Variants in BMPR1A observed in about 807,000 individuals in gnomAD.
BMPR1A encodes bone morphogenetic protein receptor type 1A, also known as bone morphogenetic protein receptor type-1A.
In BMPR1A, 7 loss-of-function variants were observed where a neutral mutation model predicts 66.0. The observed-to-expected ratio is 0.11, with a 90% CI of 0.06 to 0.20. BMPR1A has a LOEUF of 0.20. BMPR1A is among the 10% of genes least tolerant of loss of function. The pLI is 1.00. For missense variants in BMPR1A, 408 were observed against 669.1 expected, an observed-to-expected ratio of 0.61 and a Z score of 4.31; for synonymous variants, 200 against 229.7, an observed-to-expected ratio of 0.87 and a Z score of 1.17.
chr10:86,899,672 C>T (rs1415149117), intron 5 of BMPR1A, 122 bp from the exon 6 acceptor site: 4 of 962,420 alleles, frequency 4.2e-6, no homozygotes, highest in Non-Finnish European at 6.3e-6. Flanking sequence ...TCTGTTTTTA[C>T]ATATAAAATT....
At chr10:86,847,142 C>G (rs1006608987) in intron 2 of BMPR1A, among the ~76,000 whole-genome samples, 1 of 151,990 alleles carries the variant, frequency 6.6e-6, no homozygotes, top group Non-Finnish European at 1.5e-5. Context: ...GACGTGAGCC[C>G]CTGCGCCTGG....
At chr10:86,858,554 C>G (rs1050761185) in intron 2 of BMPR1A, among the ~76,000 whole-genome samples, 1 of 152,128 alleles carries the variant, frequency 6.6e-6, no homozygotes, top group African/African-American at 2.4e-5. Context: ...CTAAAAACTT[C>G]ACCATAAAAC....
chr10:86,923,324 A>T lies in BMPR1A; in HGVS notation c.1343-52A>T, dbSNP rs1843693868. ...AGCAAAAGATGCTTACTAGATTGGTATATCTTGTCCAGCAACCATTTTTGT... is the reference window on the plus strand; with the variant it reads ...AGCAAAAGATGCTTACTAGATTGGTTTATCTTGTCCAGCAACCATTTTTGT... On this transcript the variant is annotated intron_variant, in intron 11 of 12. Coordinates refer to ENST00000372037, the MANE Select transcript of BMPR1A (RefSeq NM_004329.3). 3.0e-5 allele frequency: 48 copies of T among 1,610,136 alleles called. 1 individual carries two copies. In the South Asian group the frequency reaches 4.8e-4, roughly 16 times the overall value.
chr10:86,766,841 T>G (rs63090562), intron 1 of BMPR1A, among the ~76,000 whole-genome samples: 66 of 146,414 alleles, frequency 4.5e-4, no homozygotes, highest in Admixed American at 4.4e-3. Flanking sequence ...TTTTTTTTTT[T>G]GGAGACCGAG....
At chr10:86,816,648 T>C (rs900962879) in intron 1 of BMPR1A, among the ~76,000 whole-genome samples, 2 of 152,258 alleles carry the variant, frequency 1.3e-5, no homozygotes, top group Non-Finnish European at 2.9e-5. Flanking sequence ...CAATTGGAGT[T>C]ATACACTTCA....
At chr10:86,904,799 C>G (rs1313660043) in intron 7 of BMPR1A, among the ~76,000 whole-genome samples, 1 of 152,220 alleles carries the variant, frequency 6.6e-6, no homozygotes, top group Non-Finnish European at 1.5e-5. Context: ...AACATACAAT[C>G]AGACATCAGG....
At chr10:86,867,648 G>A (rs997506802) in intron 2 of BMPR1A, among the ~76,000 whole-genome samples, 1 of 152,188 alleles carries the variant, frequency 6.6e-6, no homozygotes, top group Non-Finnish European at 1.5e-5. Context: ...GAGAAACTAG[G>A]TTAGGGAATT....
chr10:86,908,572 G>C (rs1843430908), intron 7 of BMPR1A, among the ~76,000 whole-genome samples: 1 of 152,178 alleles, frequency 6.6e-6, no homozygotes, highest in South Asian at 2.1e-4. Flanking sequence ...GGTGCAGAAG[G>C]AAGGGTTTTT....
chr10:86,843,945 C>T (rs1842453620), intron 2 of BMPR1A, among the ~76,000 whole-genome samples: 1 of 152,048 alleles, frequency 6.6e-6, no homozygotes, highest in Non-Finnish European at 1.5e-5. Context: ...AAGAAAGACT[C>T]AATGATAAAG....
At chr10:86,771,447 A>G (rs1327465465) in intron 1 of BMPR1A, among the ~76,000 whole-genome samples, 1 of 152,222 alleles carries the variant, frequency 6.6e-6, no homozygotes, top group Non-Finnish European at 1.5e-5. Context: ...TAACCTTTAC[A>G]AGTATTCTAT....
chr10:86,784,463 G>A (rs540672111), intron 1 of BMPR1A, among the ~76,000 whole-genome samples: 141 of 152,268 alleles, frequency 9.3e-4, no homozygotes, highest in Non-Finnish European at 9.1e-4. Flanking sequence ...CTCAGTCATC[G>A]TGTATGATTT....
chr10:86,784,785 TGTTGG>T (rs1194565000), intron 1 of BMPR1A, among the ~76,000 whole-genome samples: 2 of 152,196 alleles, frequency 1.3e-5, no homozygotes, highest in Non-Finnish European at 1.5e-5. Flanking sequence ...TTGTCTAAAT[TGTTGG>T]CATGTGATCG....
At position 86,875,871 on chromosome 10, in the gene BMPR1A, C is replaced by T. The variant is rs1057522518; in HGVS notation, c.-148C>T. The T allele has an allele frequency of 1.1e-5, 8 of 727,712 alleles. No individual in the cohort carries two copies. Among genetic ancestry groups the T allele is most frequent in the South Asian group, 1.6e-5 (1 of 63,134 alleles). The allele number at this position is 727,712 out of a possible 1,614,324, so 45.1% of individuals were successfully genotyped here. A position where few individuals can be genotyped will look rare whatever the true frequency, so the allele number is the denominator to read the frequency against. On this transcript the variant is annotated 5_prime_UTR_variant, in exon 3 of 13. Transcript: ENST00000372037. The stretch of plus-strand genomic sequence containing the variant: ...TTAAATATTTTTGTCTTTCAGGAGT[C>T]GTAAGAAAGCAGTGGGAGTTGAAGT...
At chr10:86,846,693 TCTGTCC>T (rs1842488664) in intron 2 of BMPR1A, among the ~76,000 whole-genome samples, 1 of 151,956 alleles carries the variant, frequency 6.6e-6, no homozygotes, top group Non-Finnish European at 1.5e-5. Flanking sequence ...GAAGCAAGAC[TCTGTCC>T]CCCGCCGCCC....
intron 1 of BMPR1A, among the ~76,000 whole-genome samples, chr10:86,808,598 G>T (rs1029652059): frequency 6.6e-6 from 1 of 152,146 alleles, no homozygotes; most frequent in African/African-American, 2.4e-5. Flanking sequence ...CAAACCACTT[G>T]TCCTGTCTGA....
intron 2 of BMPR1A, chr10:86,855,142 G>A (rs1018542406): frequency 8.0e-6 from 3 of 373,722 alleles, no homozygotes; most frequent in African/African-American, 4.2e-5. Flanking sequence ...ATCAGGTCTC[G>A]AACTCCTGAC....
intron 3 of BMPR1A, among the ~76,000 whole-genome samples, chr10:86,879,251 AAAG>A (rs1297094578): frequency 2.0e-5 from 3 of 152,202 alleles, no homozygotes; most frequent in Admixed American, 6.5e-5. Context: ...ATGCTCAGTT[AAAG>A]AAGAGGGAAA....
At chr10:86,828,573 CT>C (rs1842227624) in intron 1 of BMPR1A, among the ~76,000 whole-genome samples, 1 of 152,096 alleles carries the variant, frequency 6.6e-6, no homozygotes, top group South Asian at 2.1e-4. Context: ...TTCTGAATTT[CT>C]TTATGTGTTG....
intron 1 of BMPR1A, among the ~76,000 whole-genome samples, chr10:86,808,711 C>T (rs920017793): frequency 2.0e-5 from 3 of 152,204 alleles, no homozygotes; most frequent in Non-Finnish European, 4.4e-5. Flanking sequence ...CTGTGAAGTG[C>T]TACAGTTTTG....
Sources: gnomAD v4.1 joint callset for allele counts (sites outside exome capture counted in the v4.1 genomes callset) on GRCh38, gnomAD v4.1.1 for gene constraint, MANE v1.5 for transcripts, NCBI Gene and HGNC (gene_info 2026-07-23, HGNC 2026-07-21) for gene names.